Variants in SP4 observed in about 807,000 individuals in gnomAD.
SP4 encodes the protein Sp4 transcription factor.
SP4 carries 19 observed loss-of-function variants against 72.8 expected under a neutral mutation model. The ratio of observed to expected loss-of-function variants is 0.26; its 90% CI spans 0.18 to 0.38. The LOEUF (loss-of-function observed/expected upper bound fraction) is 0.38, where lower values mean the gene tolerates loss of function less well. SP4 is among the 10% of genes least tolerant of loss of function. The probability of loss-of-function intolerance (pLI) is 1.00; values close to 1 mark genes in which losing one functional copy is unlikely to be tolerated. For synonymous variants in SP4, 395 were observed against 333.1 expected, an observed-to-expected ratio of 1.19 and a Z score of -2.02; for missense variants, 1,008 against 926.3, an observed-to-expected ratio of 1.09 and a Z score of -1.14.
intron 4 of SP4, 67 bp from the exon 5 acceptor site, chr7:21,481,857 A>T: frequency 1.8e-6 from 2 of 1,124,662 alleles, no homozygotes; most frequent in Non-Finnish European, 2.7e-6. Flanking sequence ...GATTCTTTTT[A>T]ATTTTTCTAT....
In SP4 at chr7:21,428,788, C is replaced by G. The variant is rs946424196; in HGVS notation, c.119C>G (p.Ser40Cys). The change falls in exon 2 of 6, where the codon TCC becomes TGC. Residue 40 changes from serine to cysteine, a missense_variant. By Grantham distance (112) the Ser-to-Cys change is moderately radical. Coordinates refer to ENST00000222584, the MANE Select transcript of SP4 (RefSeq NM_003112.5). ...NNNKKPKTSG[S>C]QDSQPSPLAL... ...AATAAAAAACCCAAAACCTCAGGCT[C>G]CCAGGTAAAAGCAAACAAATTAAAA... 6 of 1,548,858 alleles carry G rather than the reference C, an allele frequency of 3.9e-6. No individual in the cohort carries two copies. The African/African-American group carries it at 5.5e-5, about 14-fold the overall frequency.
chr7:21,491,430 A>T (rs181720947), intron 5 of SP4, among the ~76,000 whole-genome samples: 9 of 152,224 alleles, frequency 5.9e-5, no homozygotes, highest in Admixed American at 3.9e-4. Flanking sequence ...GTGGGACAAT[A>T]ATAAAAGGTC....
At position 21,428,197 on chromosome 7, in the gene SP4, C is replaced by G. The variant is rs1422670476; in HGVS notation, c.-55C>G. The G allele has an allele frequency of 3.8e-6, 4 of 1,048,384 alleles. No individual in the cohort carries two copies. Among genetic ancestry groups the G allele is most frequent in the Admixed American group, 2.1e-5 (1 of 46,722 alleles). 64.9% of individuals were successfully genotyped at this position (1,048,384 alleles called of 1,614,324 possible). ...CCTCTCCTCCCGCCTCGCCCCCACC[C>G]CCACCCACCTCTATCCCAGTGTCTC... On this transcript the variant is annotated 5_prime_UTR_variant, in exon 1 of 6. Coordinates refer to ENST00000222584, the MANE Select transcript of SP4 (RefSeq NM_003112.5).
chr7:21,447,349 A>G (rs1161758522), intron 3 of SP4, among the ~76,000 whole-genome samples: 1 of 152,174 alleles, frequency 6.6e-6, no homozygotes, highest in East Asian at 1.9e-4. Context: ...TAACCATCCT[A>G]ACCTACCTAA....
At chr7:21,485,897 C>T (rs1214618463) in intron 5 of SP4, among the ~76,000 whole-genome samples, 1 of 151,836 alleles carries the variant, frequency 6.6e-6, no homozygotes, top group Non-Finnish European at 1.5e-5. Flanking sequence ...GATTTCTTCC[C>T]TTCTCTGTTC....
chr7:21,472,763 C>T (rs1004221886), intron 3 of SP4, among the ~76,000 whole-genome samples: 7 of 150,910 alleles, frequency 4.6e-5, no homozygotes, highest in African/African-American at 1.7e-4. Context: ...CAGAGTGAGA[C>T]CCCCATCTCT....
In SP4 at chr7:21,429,397, C is replaced by G. The variant is rs1390960732; in HGVS notation, c.232C>G (p.Gln78Glu). Residue 78 changes from glutamine to glutamate, a missense_variant, in exon 3 of 6, where the codon CAA becomes GAA. This residue lies in a region of SP4 where 893 missense variants were observed against 743.3 expected (regional missense o/e 1.20). Transcript: ENST00000222584. ...ACAACAAATTATTATAGATCCAAGT[C>G]AAGGATTGGTGCAACTTCAAAATCA... ...GQQQIIIDPS[Q>E]GLVQLQNQPQ... is the part of the protein sequence containing the mutation. 6.2e-7 allele frequency: 1 copy of G among 1,613,876 alleles called. No individual in the cohort carries two copies. Among genetic ancestry groups the G allele is most frequent in the Non-Finnish European group, 8.5e-7 (1 of 1,179,922 alleles).
intron 3 of SP4, among the ~76,000 whole-genome samples, chr7:21,447,845 G>A (rs918517107): frequency 6.6e-6 from 1 of 152,052 alleles, no homozygotes; most frequent in Non-Finnish European, 1.5e-5. Context: ...TACCACACCC[G>A]GCTAATTTTT....
At chr7:21,432,981 G>A (rs932953635) in intron 3 of SP4, among the ~76,000 whole-genome samples, 4 of 152,136 alleles carry the variant, frequency 2.6e-5, no homozygotes, top group South Asian at 2.1e-4. Flanking sequence ...GTGACAGAGC[G>A]AGACCCTCTC....
intron 5 of SP4, among the ~76,000 whole-genome samples, chr7:21,502,048 C>CA (rs966341668): frequency 8.6e-6 from 1 of 115,648 alleles, no homozygotes; most frequent in African/African-American, 3.4e-5. Flanking sequence ...GCACCCCCCC[C>CA]CCCCCGGAAC....
At chr7:21,499,972 A>G (rs1781823069) in intron 5 of SP4, among the ~76,000 whole-genome samples, 1 of 152,202 alleles carries the variant, frequency 6.6e-6, no homozygotes, top group Admixed American at 6.5e-5. Context: ...CTATCATTCC[A>G]TTTGAAATCT....
intron 3 of SP4, among the ~76,000 whole-genome samples, chr7:21,434,446 G>A (rs758212921): frequency 1.1e-4 from 17 of 152,136 alleles, no homozygotes; most frequent in Non-Finnish European, 2.1e-4. Context: ...CATTAACAAC[G>A]TGTTCAGTAT....
chr7:21,491,484 T>G (rs1784976293), intron 5 of SP4, among the ~76,000 whole-genome samples: 1 of 152,158 alleles, frequency 6.6e-6, no homozygotes, highest in Non-Finnish European at 1.5e-5. Flanking sequence ...GGAAAAATAC[T>G]GCTGTAAGAC....
chr7:21,479,035 T>C (rs1784599128), intron 4 of SP4, among the ~76,000 whole-genome samples: 1 of 149,960 alleles, frequency 6.7e-6, no homozygotes, highest in Non-Finnish European at 1.5e-5. Flanking sequence ...GCCACTGCAC[T>C]CCAGCCTGGG....
At chr7:21,455,386 A>C (rs919577719) in intron 3 of SP4, among the ~76,000 whole-genome samples, 2 of 152,142 alleles carry the variant, frequency 1.3e-5, no homozygotes, top group Admixed American at 6.5e-5. Context: ...AACTTTTCCC[A>C]GTTTTTTGAG....
chr7:21,456,970 C>T (rs574416277), intron 3 of SP4, among the ~76,000 whole-genome samples: 2 of 152,120 alleles, frequency 1.3e-5, no homozygotes, highest in South Asian at 4.1e-4. Context: ...GGTTAGTAAG[C>T]AGGAGAGTGA....
chr7:21,471,142 G>A, intron 3 of SP4: 1 of 534,612 alleles, frequency 1.9e-6, no homozygotes, highest in Middle Eastern at 3.2e-4. Flanking sequence ...TGGAGCAGGA[G>A]TGCCAAGAGA....
At position 21,430,822 on chromosome 7, in the gene SP4, G is replaced by C. The variant is rs749172037; in HGVS notation, c.1657G>C (p.Val553Leu). The C allele has an allele frequency of 5.6e-6, 9 of 1,611,758 alleles. No homozygotes were observed. Among genetic ancestry groups the C allele is most frequent in the South Asian group, 1.1e-5 (1 of 90,966 alleles). ...AAGVQVQGVPVTITSVAGQQQ... is the reference protein window; with the variant it reads ...AAGVQVQGVPLTITSVAGQQQ... Reference sequence around the variant, plus strand: ...AGGTGTTCAAGTGCAGGGAGTTCCCGTTACAATCACTAGTGTTGCAGGTAA... The same window carrying C: ...AGGTGTTCAAGTGCAGGGAGTTCCCCTTACAATCACTAGTGTTGCAGGTAA... Residue 553 changes from valine (V) to leucine (L), a missense_variant, in exon 3 of 6, where the codon GTT (valine) becomes CTT (leucine). This residue lies in a region of SP4 where 893 missense variants were observed against 743.3 expected (regional missense o/e 1.20). Coordinates refer to ENST00000222584, the MANE Select transcript of SP4 (RefSeq NM_003112.5).
At position 21,429,419 on chromosome 7, in the gene SP4, A is replaced by G; in HGVS notation, c.254A>G (p.Asn85Ser). The change falls in exon 3 of 6, where the codon AAT becomes AGT. Residue 85 changes from asparagine (N) to serine (S), a missense_variant. By Grantham distance (46) the Asn-to-Ser change is conservative. Coordinates refer to ENST00000222584, the MANE Select transcript of SP4 (RefSeq NM_003112.5). ...DPSQGLVQLQNQPQQLELVTT... is the reference protein window; with the variant it reads ...DPSQGLVQLQSQPQQLELVTT... Reference sequence around the variant, plus strand: ...AGTCAAGGATTGGTGCAACTTCAAAATCAACCACAACAGCTAGAACTGGTA... The same window carrying G: ...AGTCAAGGATTGGTGCAACTTCAAAGTCAACCACAACAGCTAGAACTGGTA... 1 of 1,614,106 alleles carries G rather than the reference A, an allele frequency of 6.2e-7. No individual in the cohort carries two copies.
Sources: allele counts gnomAD v4.1 joint callset (sites outside exome capture counted in the v4.1 genomes callset), GRCh38; gene constraint gnomAD v4.1.1; regional missense constraint gnomAD v4.1.1; transcripts MANE v1.5; gene names NCBI Gene and HGNC (gene_info 2026-07-23, HGNC 2026-07-21).